P2RY8: variants seen among roughly 807,000 people sequenced by gnomAD.
P2RY8 encodes the protein P2Y receptor family member 8, also known as S-geranylgeranyl-glutathione receptor P2RY8.
In P2RY8, 6 loss-of-function variants were observed where a neutral mutation model predicts 10.0. The observed-to-expected ratio is 0.60, with a 90% CI of 0.33 to 1.19. The LOEUF (loss-of-function observed/expected upper bound fraction) is 1.19, where lower values mean the gene tolerates loss of function less well. Ranked by LOEUF, P2RY8 falls within the 50% of genes most tolerant of loss-of-function variation. P2RY8 has a pLI of 0.04. For synonymous variants in P2RY8, 276 were observed against 252.5 expected (o/e 1.09, Z -0.88); for missense variants, 456 against 542.0 (o/e 0.84, Z 1.58).
intron 1 of P2RY8, among the ~76,000 whole-genome samples, chrX:1,478,249 A>ATGTGTGTGTG (rs745819761): frequency 0.032 from 4,676 of 148,420 alleles, 248 homozygotes; most frequent in African/African-American, 0.11. Context: ...TGGCAGGCGT[A>ATGTGTGTGTG]TGTGTGTGTG....
At chrX:1,469,863 T>C (rs769741155) in intron 1 of P2RY8, among the ~76,000 whole-genome samples, 25 of 152,060 alleles carry the variant, frequency 1.6e-4, no homozygotes, top group South Asian at 2.1e-4. Context: ...CGCACCACTG[T>C]ACTCCATCCA....
At chrX:1,524,669 T>TGCATC (rs2092424043) in intron 1 of P2RY8, among the ~76,000 whole-genome samples, 1 of 51,062 alleles carries the variant, frequency 2.0e-5, no homozygotes, top group Non-Finnish European at 3.7e-5. Context: ...ATCCATCCAT[T>TGCATC]CATCCATCCA....
intron 1 of P2RY8, among the ~76,000 whole-genome samples, chrX:1,471,841 C>T (rs1272119744): frequency 1.3e-5 from 2 of 152,182 alleles, no homozygotes; most frequent in African/African-American, 4.8e-5. Flanking sequence ...GCTATAACCA[C>T]CCCTCTTTCC....
At chrX:1,510,928 C>G (rs1640170896) in intron 1 of P2RY8, among the ~76,000 whole-genome samples, 1 of 151,222 alleles carries the variant, frequency 6.6e-6, no homozygotes, top group South Asian at 2.1e-4. Context: ...CCTGTAATCC[C>G]AACACTTTGG....
chrX:1,507,902 C>A (rs1226824880), intron 1 of P2RY8, among the ~76,000 whole-genome samples: 2 of 152,128 alleles, frequency 1.3e-5, no homozygotes, highest in African/African-American at 4.8e-5. Flanking sequence ...TCAAGCCAGC[C>A]CCGTCTGGCA....
chrX:1,480,746 A>G (rs1331177023), intron 1 of P2RY8, among the ~76,000 whole-genome samples: 8 of 151,934 alleles, frequency 5.3e-5, no homozygotes, highest in Admixed American at 2.6e-4. Flanking sequence ...GGTGCAGCAA[A>G]CCACCCTGGC....
chrX:1,513,455 G>A, intron 1 of P2RY8, among the ~76,000 whole-genome samples: 1 of 152,050 alleles, frequency 6.6e-6, no homozygotes, highest in Middle Eastern at 3.4e-3. Context: ...GCTCCTGGGG[G>A]CTCCAGGCAT....
chrX:1,503,162 C>T (rs1408599714), intron 1 of P2RY8, among the ~76,000 whole-genome samples: 3 of 151,688 alleles, frequency 2.0e-5, no homozygotes, highest in Non-Finnish European at 4.4e-5. Flanking sequence ...TGGAATGACG[C>T]GGCCACAAGC....
At chrX:1,517,409 C>T (rs1345634570) in intron 1 of P2RY8, among the ~76,000 whole-genome samples, 1 of 152,150 alleles carries the variant, frequency 6.6e-6, no homozygotes, top group African/African-American at 2.4e-5. Flanking sequence ...TCAGCTTGGG[C>T]CCCCGCCCCA....
intron 1 of P2RY8, among the ~76,000 whole-genome samples, chrX:1,509,374 T>TTTATCTA (rs1556682676): frequency 3.1e-5 from 4 of 131,108 alleles, no homozygotes; most frequent in Non-Finnish European, 6.4e-5. Context: ...CATCCATCTA[T>TTTATCTA]TCTATCTATC....
In P2RY8 at chrX:1,465,419, T is replaced by C. The variant is rs1180410171; in HGVS notation, c.*60A>G. 3 of 1,535,636 alleles carry C rather than the reference T, an allele frequency of 2.0e-6. No individual in the cohort carries two copies. The highest frequency in any genetic ancestry group is 2.8e-5 in the African/African-American group (2 of 72,594). On this transcript the variant is annotated 3_prime_UTR_variant, in exon 2 of 2. Transcript: ENST00000381297. ...CCTGAACCTCTGGCACCGTGGCCTC[T>C]CCATGCGCCCCTGGATCTCCAAGCT...
At chrX:1,531,346 A>T (rs1216670511) in intron 1 of P2RY8, among the ~76,000 whole-genome samples, 4 of 152,122 alleles carry the variant, frequency 2.6e-5, no homozygotes, top group African/African-American at 9.7e-5. Flanking sequence ...TTTGTGTCTC[A>T]TGAATGGTTC....
intron 1 of P2RY8, among the ~76,000 whole-genome samples, chrX:1,487,282 A>G (rs2091995528): frequency 1.3e-5 from 2 of 152,098 alleles, no homozygotes; most frequent in Non-Finnish European, 2.9e-5. Context: ...CTGCCTGGAG[A>G]TGACAGGGAA....
At position 1,466,084 on chromosome X, in the gene P2RY8, C is replaced by T; in HGVS notation, c.475G>A (p.Ala159Thr). The T allele has an allele frequency of 6.2e-7, 1 of 1,611,608 alleles. No individual in the cohort carries two copies. The highest frequency in any genetic ancestry group is 1.1e-5 in the South Asian group (1 of 90,992). The change falls in exon 2 of 2, where the codon GCG becomes ACG. Residue 159 changes from alanine (A) to threonine (T), a missense_variant. Ala to Thr is a moderately conservative substitution (Grantham distance 58). Transcript: ENST00000381297. ...LLLLTALSPLARTDLTYPVHA... is the reference protein window; with the variant it reads ...LLLLTALSPLTRTDLTYPVHA... ...ACCGGGTAGGTGAGATCGGTGCGCG[C>T]CAGCGGGGACAGGGCGGTCAGGAGC... is the stretch of plus-strand genomic sequence containing the variant.
In P2RY8 at chrX:1,528,127, T is replaced by A. The variant is rs184904431; in HGVS notation, c.-25+8794A>T. Among the ~76,000 whole-genome samples the A allele has an allele frequency of 4.7e-3, 715 of 152,284 alleles. 10 individuals are homozygous for A. Among genetic ancestry groups the A allele is most frequent in the African/African-American group, 0.017 (692 of 41,550 alleles). On this transcript the variant is annotated intron_variant, in intron 1 of 1. Coordinates refer to ENST00000381297, the MANE Select transcript of P2RY8 (RefSeq NM_178129.5). Reference sequence around the variant, plus strand: ...TGCCTCCAACCCCAGGGTAATAGCCTGAGTATCCTAGAAGTTTCCTGTGTT... The same window carrying A: ...TGCCTCCAACCCCAGGGTAATAGCCAGAGTATCCTAGAAGTTTCCTGTGTT...
At chrX:1,508,453 T>C (rs1419223282) in intron 1 of P2RY8, among the ~76,000 whole-genome samples, 1 of 152,162 alleles carries the variant, frequency 6.6e-6, no homozygotes, top group Non-Finnish European at 1.5e-5. Context: ...ATGTCAGCAG[T>C]GCTGAGGCTG....
intron 1 of P2RY8, among the ~76,000 whole-genome samples, chrX:1,512,485 T>C (rs1603458149): frequency 7.1e-6 from 1 of 140,442 alleles, no homozygotes; most frequent in Admixed American, 7.9e-5. Flanking sequence ...AGGTGGAGGT[T>C]GCAGTGGGCT....
chrX:1,531,239 G>A (rs2092473301), intron 1 of P2RY8, among the ~76,000 whole-genome samples: 1 of 152,020 alleles, frequency 6.6e-6, no homozygotes, highest in Non-Finnish European at 1.5e-5. Flanking sequence ...GGAGCCCAGG[G>A]ACGCTGCTCT....
At chrX:1,491,169 C>G (rs1332420594) in intron 1 of P2RY8, among the ~76,000 whole-genome samples, 2 of 149,368 alleles carry the variant, frequency 1.3e-5, no homozygotes, top group South Asian at 2.1e-4. Flanking sequence ...CCCAGATTCA[C>G]TTCTGCAAAT....
Sources: gnomAD v4.1 joint callset for allele counts (sites outside exome capture counted in the v4.1 genomes callset) on GRCh38, gnomAD v4.1.1 for gene constraint, MANE v1.5 for transcripts, NCBI Gene and HGNC (gene_info 2026-07-23, HGNC 2026-07-21) for gene names.